Variants in DNAH9 observed in about 807,000 individuals in gnomAD.
The protein encoded by DNAH9 is dynein axonemal heavy chain 9.
DNAH9 carries 345 observed loss-of-function variants against 471.6 expected under a neutral mutation model. That is an observed-to-expected ratio of 0.73 (90% CI 0.67 to 0.80). DNAH9 has a LOEUF of 0.80. DNAH9 is among the 30% of genes least tolerant of loss of function. The pLI is 0.00. For synonymous variants in DNAH9, 2,093 were observed against 2,123.6 expected (o/e 0.99, Z 0.40); for missense variants, 5,407 against 5,609.2 (o/e 0.96, Z 1.15).
At chr17:11,843,861 G>GTT (rs1166364623) in intron 49 of DNAH9, among the ~76,000 whole-genome samples, 2 of 54,188 alleles carry the variant, frequency 3.7e-5, no homozygotes, top group African/African-American at 1.5e-4. Context: ...GTGTGTGTGT[G>GTT]TGTATATATA....
chr17:11,838,255 C>A (rs555730271), intron 49 of DNAH9, among the ~76,000 whole-genome samples: 15 of 152,096 alleles, frequency 9.9e-5, no homozygotes, highest in African/African-American at 3.6e-4. Context: ...GGAGTATAAT[C>A]TAGAAGTAAT....
chr17:11,955,083 T>C (rs1975571050), intron 67 of DNAH9, among the ~76,000 whole-genome samples: 1 of 152,142 alleles, frequency 6.6e-6, no homozygotes, highest in African/African-American at 2.4e-5. Context: ...TGGTATAATT[T>C]TGAAGTTAGG....
chr17:11,717,714 T>C (rs560847789), intron 26 of DNAH9, among the ~76,000 whole-genome samples: 2 of 152,268 alleles, frequency 1.3e-5, no homozygotes, highest in East Asian at 1.9e-4. Flanking sequence ...TTTTAGTAAA[T>C]AGACAGAGTT....
intron 49 of DNAH9, among the ~76,000 whole-genome samples, chr17:11,838,298 A>G (rs2150956613): frequency 6.6e-6 from 1 of 152,350 alleles, no homozygotes; most frequent in South Asian, 2.1e-4. Context: ...ACTTCCAGAG[A>G]GACAGAACTG....
Position 11,969,338 on chromosome 17 carries a change from A to ACC in DNAH9, c.13276_13277dup (p.Met4427LeufsTer4). Reference sequence around the variant, plus strand: ...CAGAGGCAAAGCTGAAGGATCTGACACCCCCTATGCCTGTGATGTTCATCA... The same window carrying ACC: ...CAGAGGCAAAGCTGAAGGATCTGACACCCCCCCTATGCCTGTGATGTTCATCA... On this transcript the variant is annotated frameshift_variant, in exon 69 of 69. Coordinates refer to ENST00000262442, the MANE Select transcript of DNAH9 (RefSeq NM_001372.4). LOFTEE classifies it high-confidence loss of function. 6.2e-7 allele frequency: 1 copy of ACC among 1,613,906 alleles called. No individual in the cohort carries two copies. Among genetic ancestry groups the ACC allele is most frequent in the Non-Finnish European group, 8.5e-7 (1 of 1,179,970 alleles).
chr17:11,676,714 T>G (rs1486009883), intron 17 of DNAH9, among the ~76,000 whole-genome samples: 1 of 152,164 alleles, frequency 6.6e-6, no homozygotes, highest in Non-Finnish European at 1.5e-5. Context: ...TTTTATTATT[T>G]CCTTTACTAC....
intron 19 of DNAH9, among the ~76,000 whole-genome samples, chr17:11,688,833 T>G (rs2074283788): frequency 6.6e-6 from 1 of 152,042 alleles, no homozygotes; most frequent in Non-Finnish European, 1.5e-5. Flanking sequence ...CTTGGTGGCT[T>G]GTGCCTGTAA....
intron 28 of DNAH9, among the ~76,000 whole-genome samples, chr17:11,732,882 C>T (rs1332664320): frequency 6.6e-6 from 1 of 152,072 alleles, no homozygotes; most frequent in Non-Finnish European, 1.5e-5. Context: ...TGGGCAGAGG[C>T]AGGAAGCAAG....
chr17:11,852,996 G>T (rs1224550093), intron 49 of DNAH9, among the ~76,000 whole-genome samples: 1 of 150,752 alleles, frequency 6.6e-6, no homozygotes, highest in African/African-American at 2.4e-5. Flanking sequence ...AAGAAAGTAG[G>T]ATGTGGGTCA....
intron 44 of DNAH9, among the ~76,000 whole-genome samples, chr17:11,809,244 A>G (rs1191327835): frequency 6.6e-6 from 1 of 151,974 alleles, no homozygotes; most frequent in Non-Finnish European, 1.5e-5. Context: ...ATTTTTTTCA[A>G]CATAAGTGTT....
intron 19 of DNAH9, among the ~76,000 whole-genome samples, chr17:11,681,805 A>G (rs960142813): frequency 2.6e-5 from 4 of 152,246 alleles, no homozygotes; most frequent in Non-Finnish European, 4.4e-5. Flanking sequence ...CTTCACTGGA[A>G]CGAAGTTCAA....
At position 11,629,417 on chromosome 17, in the gene DNAH9, G is replaced by A; in HGVS notation, c.1351G>A (p.Gly451Ser). 5 of 1,613,604 alleles carry A rather than the reference G, an allele frequency of 3.1e-6. No homozygotes were observed. Among genetic ancestry groups the A allele is most frequent in the Non-Finnish European group, 3.4e-6 (4 of 1,179,766 alleles). Residue 451 changes from glycine to serine, a missense_variant and splice_region_variant, in exon 7 of 69, where the codon GGT (glycine) becomes AGT (serine). By Grantham distance (56) the Gly-to-Ser change is moderately conservative (BLOSUM62 0). Around this residue, in one of 3 missense-constraint regions of DNAH9, gnomAD observed 767 missense variants for 692.5 expected, o/e 1.11. Coordinates refer to ENST00000262442, the MANE Select transcript of DNAH9 (RefSeq NM_001372.4). Reference protein sequence around the residue: ...GFLGQLHVVEGLLKTALDFHK... With the variant: ...GFLGQLHVVESLLKTALDFHK... ...ACTTTTTTGTGAATTGTCCCCATAG[G>A]GTCTTCTGAAGACGGCCCTGGATTT...
chr17:11,828,019 C>A lies in DNAH9; in HGVS notation c.9246+4985C>A, dbSNP rs549532069. Among the ~76,000 whole-genome samples, 5 of 152,234 alleles carry A rather than the reference C, an allele frequency of 3.3e-5. No homozygotes were observed. The East Asian group carries it at 9.7e-4, about 29-fold the overall frequency. On this transcript the variant is annotated intron_variant, in intron 48 of 68. Transcript: ENST00000262442. ...TATTGGCTCTGACTTCAAAATACAC[C>A]CAGAATCCCACCACATCTCACTCCT...
intron 38 of DNAH9, 90 bp downstream of exon 38, chr17:11,769,419 G>A: frequency 1.6e-6 from 2 of 1,212,522 alleles, no homozygotes; most frequent in Non-Finnish European, 2.3e-6. Context: ...GTGCCTGCCT[G>A]ACTTGAGTTC....
chr17:11,614,857 C>G (rs1347557536), intron 4 of DNAH9, among the ~76,000 whole-genome samples: 3 of 152,180 alleles, frequency 2.0e-5, no homozygotes, highest in African/African-American at 7.2e-5. Context: ...GCTCTCATGG[C>G]CTAGTGGCCT....
intron 67 of DNAH9, among the ~76,000 whole-genome samples, chr17:11,946,162 T>A (rs2151436430): frequency 7.7e-6 from 1 of 130,442 alleles, no homozygotes. Context: ...ATCATGCCAC[T>A]GCACTCCAGT....
rs189927097 is a variant in DNAH9, at chr17:11,803,433, A to G, written c.8421-4299A>G. ...ACACACGCACATGCGTGTCTAGTCC[A>G]ATAAATCAACTTCCTCCAGCTGTGC... On this transcript the variant is annotated intron_variant, in intron 43 of 68. Coordinates refer to ENST00000262442, the MANE Select transcript of DNAH9 (RefSeq NM_001372.4). 3.3e-4 allele frequency among the ~76,000 whole-genome samples: 50 copies of G among 152,298 alleles called. No homozygotes were observed. The East Asian group carries it at 8.1e-3, about 25-fold the overall frequency.
intron 33 of DNAH9, 94 bp downstream of exon 33, chr17:11,753,054 A>C: frequency 9.5e-7 from 1 of 1,056,334 alleles, no homozygotes; most frequent in East Asian, 2.7e-5. Flanking sequence ...TAGATTCCAC[A>C]TGATGGCTGG....
At chr17:11,647,029 G>A (rs1234491534) in intron 11 of DNAH9, 43 bp from the exon 12 acceptor site, 1 of 1,607,008 alleles carries the variant, frequency 6.2e-7, no homozygotes, top group Admixed American at 1.7e-5. Context: ...CCGGTGAGCT[G>A]GGAGGGGGCT....
Sources: allele counts gnomAD v4.1 joint callset (sites outside exome capture counted in the v4.1 genomes callset), GRCh38; gene constraint gnomAD v4.1.1; regional missense constraint gnomAD v4.1.1; transcripts MANE v1.5; gene names NCBI Gene and HGNC (gene_info 2026-07-23, HGNC 2026-07-21).